The following FLNB variants were observed in gnomAD, a reference collection of about 807,000 sequenced individuals.
The protein encoded by FLNB is filamin-B.
In FLNB, 111 loss-of-function variants were observed where a neutral mutation model predicts 250.6. The ratio of observed to expected loss-of-function variants is 0.44; its 90% CI spans 0.38 to 0.52. The LOEUF (loss-of-function observed/expected upper bound fraction) is 0.52. FLNB is among the 20% of genes least tolerant of loss of function. The pLI, the probability that FLNB is intolerant of heterozygous loss-of-function variation, is 0.00. For synonymous variants in FLNB, 1,302 were observed against 1,372.1 expected (o/e 0.95, Z 1.13); for missense variants, 2,869 against 3,447.8 (o/e 0.83, Z 4.20).
chr3:58,008,696 G>C lies in FLNB; in HGVS notation c.132G>C (p.Leu44=). ...GCATCGGCAACCTGCAGACCGACCT[G>C]AGCGACGGGCTGCGGCTCATCGCGC... ...NKRIGNLQTD[L]SDGLRLIALL... The change falls in exon 1 of 46, where the codon CTG becomes CTC. Residue 44 remains leucine (L), a synonymous_variant. Transcript: ENST00000295956. 6.2e-7 allele frequency: 1 copy of C among 1,614,166 alleles called. No individual in the cohort carries two copies. The highest frequency in any genetic ancestry group is 8.5e-7 in the Non-Finnish European group (1 of 1,180,038).
At chr3:58,135,792 A>G (rs964764997) in intron 27 of FLNB, among the ~76,000 whole-genome samples, 187 bp from the exon 28 acceptor site, 2 of 152,216 alleles carry the variant, frequency 1.3e-5, no homozygotes, top group Admixed American at 6.5e-5. Flanking sequence ...CATGTCTGTC[A>G]TGGTGTTAAA....
At chr3:58,159,492 A>G in intron 41 of FLNB, 62 bp from the exon 42 acceptor site, 1 of 1,565,124 alleles carries the variant, frequency 6.4e-7, no homozygotes, top group Non-Finnish European at 8.8e-7. Flanking sequence ...GGGTAGGGTC[A>G]GTGTGTGCCA....
chr3:58,106,819 C>G lies in FLNB; in HGVS notation c.1887C>G (p.Asp629Glu), dbSNP rs377324244. Residue 629 changes from aspartate (D) to glutamate (E), a missense_variant, in exon 12 of 46, where the codon GAC (aspartate) becomes GAG (glutamate). Asp to Glu is a conservative substitution (Grantham distance 45). Transcript: ENST00000295956. ...TGTGTGACGACGAAGACATCAAGGA[C>G]AGCCCGTACATGGCCTTCATCCACC... ...HIMCDDEDIK[D>E]SPYMAFIHPA... is the part of the protein sequence containing the mutation. 143 of 1,613,992 alleles carry G rather than the reference C, an allele frequency of 8.9e-5. No individual in the cohort carries two copies. Among genetic ancestry groups the G allele is most frequent in the South Asian group, 2.2e-4 (20 of 91,080 alleles).
intron 29 of FLNB, among the ~76,000 whole-genome samples, chr3:58,139,075 G>A (rs1416355638): frequency 6.6e-6 from 1 of 152,182 alleles, no homozygotes; most frequent in Non-Finnish European, 1.5e-5. Context: ...AATAAAAGGA[G>A]GAAACCATTA....
chr3:58,108,442 T>C lies in FLNB; in HGVS notation c.1942-16T>C, dbSNP rs1336207646. 3 of 1,553,438 alleles carry C rather than the reference T, an allele frequency of 1.9e-6. No homozygotes were observed. The Admixed American group carries it at 5.0e-5, about 26-fold the overall frequency. ...GCATTACACAGAAAGAGACTTACTA[T>C]CTGCCTTTGCTTCAGGTTCGAGCAT... On this transcript the variant is annotated splice_polypyrimidine_tract_variant and intron_variant, in intron 12 of 45. Transcript: ENST00000295956.
intron 39 of FLNB, among the ~76,000 whole-genome samples, chr3:58,154,331 TCAGGAGTTCAAGAC>T (rs1326273940): frequency 6.6e-6 from 1 of 152,088 alleles, no homozygotes; most frequent in African/African-American, 2.4e-5. Context: ...CTGCCTGAGC[TCAGGAGTTCAAGAC>T]CAGCCTGGGC....
At chr3:58,043,790 C>T (rs564645465) in intron 1 of FLNB, among the ~76,000 whole-genome samples, 3 of 152,316 alleles carry the variant, frequency 2.0e-5, no homozygotes, top group African/African-American at 7.2e-5. Context: ...GTGCCCAGCT[C>T]TGAGCCAATG....
In FLNB at chr3:58,008,471, CCGCTCCGCTTCGGTTCT is replaced by C. The variant is rs2097093591; in HGVS notation, c.-87_-71del. On this transcript the variant is annotated 5_prime_UTR_variant, in exon 1 of 46. Transcript: ENST00000295956. ...GTAGCAGCAAGTTCGAACCCCGCTC[CCGCTCCGCTTCGGTTCT>C]CGCTCCTTCGGCCCTTGGGCCTCCA... The C allele has an allele frequency of 6.9e-7, 1 of 1,441,920 alleles. No homozygotes were observed. The highest frequency in any genetic ancestry group is 2.5e-5 in the East Asian group (1 of 40,438). The allele number at this position is 1,441,920 out of a possible 1,614,324, so 89.3% of individuals were successfully genotyped here.
intron 1 of FLNB, among the ~76,000 whole-genome samples, chr3:58,057,701 T>C (rs1386296390): frequency 6.6e-6 from 1 of 152,190 alleles, no homozygotes; most frequent in Non-Finnish European, 1.5e-5. Flanking sequence ...TTGGTAATTA[T>C]TTGTTGATTA....
Position 58,081,703 on chromosome 3 carries a change from C to G in FLNB, c.714C>G (p.Pro238=), listed in dbSNP as rs1187523323. Residue 238 remains proline (P), a synonymous_variant, in exon 4 of 46, where the codon CCC becomes CCG. Transcript: ENST00000295956. ...HSVMTYLSQF[P]KAKLKPGAPL... is the part of the protein sequence containing the mutation. ...TTATGACTTACCTGTCCCAGTTCCC[C>G]AAAGCCAAGCTCAAGCCGGGGGCTC... 6.2e-7 allele frequency: 1 copy of G among 1,614,058 alleles called. No individual in the cohort carries two copies. The highest frequency in any genetic ancestry group is 8.5e-7 in the Non-Finnish European group (1 of 1,179,988).
At chr3:58,155,763 G>C (rs1284981290) in intron 40 of FLNB, among the ~76,000 whole-genome samples, 197 bp from the exon 41 acceptor site, 1 of 152,150 alleles carries the variant, frequency 6.6e-6, no homozygotes, top group Non-Finnish European at 1.5e-5. Flanking sequence ...GTGAGCCCCG[G>C]TTAAGAGTCC....
intron 9 of FLNB, among the ~76,000 whole-genome samples, chr3:58,103,173 A>G (rs928639904): frequency 6.6e-6 from 1 of 151,990 alleles, no homozygotes; most frequent in African/African-American, 2.4e-5. Flanking sequence ...CTGTGCCCTG[A>G]GGGTAGCCGA....
chr3:58,044,771 C>T (rs992771680), intron 1 of FLNB, among the ~76,000 whole-genome samples: 1 of 152,226 alleles, frequency 6.6e-6, no homozygotes, highest in African/African-American at 2.4e-5. Context: ...CTTGGGACCC[C>T]CCTGAACTTG....
intron 4 of FLNB, among the ~76,000 whole-genome samples, chr3:58,083,690 C>T (rs749713127): frequency 2.6e-5 from 4 of 152,126 alleles, no homozygotes; most frequent in Non-Finnish European, 5.9e-5. Flanking sequence ...GCTGTTCTCA[C>T]CTCAGTGGTC....
rs1021647942 is a variant in FLNB at position 58,109,285 on chromosome 3, T to C, written c.2162T>C (p.Val721Ala). The C allele has an allele frequency of 8.7e-6, 14 of 1,614,090 alleles. No individual in the cohort carries two copies. In the African/African-American group the frequency reaches 1.7e-4, roughly 20 times the overall value. The change falls in exon 14 of 46, where the codon GTC becomes GCC. Residue 721 changes from valine to alanine, a missense_variant. By Grantham distance (64) the Val-to-Ala change is moderately conservative. Transcript: ENST00000295956. The part of the protein sequence containing the change: ...VKAIKHTIAV[V>A]WGGVNIPHSP... The stretch of plus-strand genomic sequence containing the variant: ...GCCATCAAGCACACCATTGCTGTGG[T>C]CTGGGGAGGCGTGAACATCCCGCAC...
intron 1 of FLNB, among the ~76,000 whole-genome samples, chr3:58,042,345 GTTTTTTTT>G (rs541022128): frequency 1.5e-5 from 2 of 130,544 alleles, no homozygotes; most frequent in Non-Finnish European, 1.6e-5. Context: ...GTCTCTGTAG[GTTTTTTTT>G]TTTTTTTTTT....
At chr3:58,014,817 C>T (rs2097103700) in intron 1 of FLNB, among the ~76,000 whole-genome samples, 1 of 152,194 alleles carries the variant, frequency 6.6e-6, no homozygotes, top group Non-Finnish European at 1.5e-5. Context: ...CAACCTCTGT[C>T]TCCCGGGGTC....
At chr3:58,056,024 C>T (rs1332169561) in intron 1 of FLNB, among the ~76,000 whole-genome samples, 2 of 151,686 alleles carry the variant, frequency 1.3e-5, no homozygotes, top group East Asian at 3.9e-4. Context: ...GCTAATACAC[C>T]TGTGTTTTAT....
At chr3:58,170,472 C>A in intron 45 of FLNB, 103 bp from the exon 46 acceptor site, 3 of 1,184,796 alleles carry the variant, frequency 2.5e-6, no homozygotes, top group Non-Finnish European at 3.7e-6. Flanking sequence ...TTAGGGGCCC[C>A]AGCATTATCG....
Sources: gnomAD v4.1 joint callset for allele counts (sites outside exome capture counted in the v4.1 genomes callset) on GRCh38, gnomAD v4.1.1 for gene constraint, MANE v1.5 for transcripts, NCBI Gene and HGNC (gene_info 2026-07-23, HGNC 2026-07-21) for gene names.